The following DGKI variants were observed in gnomAD, a reference collection of about 807,000 sequenced individuals.
DGKI encodes diacylglycerol kinase iota.
Under a neutral mutation model 147.5 loss-of-function variants are expected in DGKI, and 55 were observed. The ratio of observed to expected loss-of-function variants is 0.37; its 90% CI spans 0.30 to 0.47. DGKI has a LOEUF of 0.47. DGKI is among the 20% of genes least tolerant of loss of function. The pLI, the probability that DGKI is intolerant of heterozygous loss-of-function variation, is 1.00. For missense variants in DGKI, 1,007 were observed against 1,323.8 expected, an observed-to-expected ratio of 0.76 and a Z score of 3.71; for synonymous variants, 469 against 477.1, an observed-to-expected ratio of 0.98 and a Z score of 0.22.
intron 1 of DGKI, among the ~76,000 whole-genome samples, chr7:137,710,215 A>G (rs1794171725): frequency 6.6e-6 from 1 of 152,114 alleles, no homozygotes; most frequent in Admixed American, 6.6e-5. Context: ...TCCCTGAATG[A>G]TTTATGGATC....
chr7:137,531,765 G>A (rs1419946936), intron 20 of DGKI, among the ~76,000 whole-genome samples: 2 of 152,142 alleles, frequency 1.3e-5, no homozygotes, highest in Non-Finnish European at 2.9e-5. Flanking sequence ...TGCTAAAAAA[G>A]GGTGTGGATG....
At chr7:137,467,797 A>T (rs543119330) in intron 24 of DGKI, among the ~76,000 whole-genome samples, 2 of 152,274 alleles carry the variant, frequency 1.3e-5, no homozygotes, top group East Asian at 3.9e-4. Flanking sequence ...CCTGGGCAAC[A>T]AAGCAAGACT....
At chr7:137,458,398 A>G (rs1040186785) in intron 27 of DGKI, among the ~76,000 whole-genome samples, 3 of 152,154 alleles carry the variant, frequency 2.0e-5, no homozygotes. Flanking sequence ...GTCTAGTGGC[A>G]AGATATTATT....
intron 29 of DGKI, among the ~76,000 whole-genome samples, chr7:137,409,529 G>C (rs1162211285): frequency 2.6e-5 from 4 of 152,190 alleles, no homozygotes; most frequent in African/African-American, 9.7e-5. Context: ...GCTGAATGGA[G>C]GTAAGGACAA....
At chr7:137,598,627 CT>C (rs2128988639) in intron 11 of DGKI, among the ~76,000 whole-genome samples, 1 of 152,222 alleles carries the variant, frequency 6.6e-6, no homozygotes, top group South Asian at 2.1e-4. Context: ...AAATCTTTTG[CT>C]TAGGTGAAGT....
At chr7:137,574,514 C>G (rs1237858476) in intron 17 of DGKI, among the ~76,000 whole-genome samples, 1 of 152,078 alleles carries the variant, frequency 6.6e-6, no homozygotes, top group East Asian at 1.9e-4. Context: ...GTATTTAGAA[C>G]AGAATTCATT....
chr7:137,406,038 A>T (rs1811934717), intron 30 of DGKI, among the ~76,000 whole-genome samples: 1 of 152,080 alleles, frequency 6.6e-6, no homozygotes, highest in African/African-American at 2.4e-5. Flanking sequence ...TTGTCACTCA[A>T]ATAGATGGCC....
intron 1 of DGKI, among the ~76,000 whole-genome samples, chr7:137,711,413 C>T (rs1794209323): frequency 6.6e-6 from 1 of 152,102 alleles, no homozygotes; most frequent in African/African-American, 2.4e-5. Context: ...ATACTCTTTA[C>T]AAATGAAAAT....
chr7:137,777,963 C>T (rs1796408683), intron 1 of DGKI, among the ~76,000 whole-genome samples: 2 of 152,176 alleles, frequency 1.3e-5, no homozygotes, highest in Non-Finnish European at 1.5e-5. Flanking sequence ...TTCACCTTCC[C>T]TTATTTCCTC....
chr7:137,613,203 CTTCT>C (rs1820424315), intron 8 of DGKI, among the ~76,000 whole-genome samples: 1 of 152,116 alleles, frequency 6.6e-6, no homozygotes, highest in East Asian at 1.9e-4. Flanking sequence ...TCTGTTCGCT[CTTCT>C]TTGTCATCCC....
chr7:137,400,596 A>G (rs1299191552), intron 30 of DGKI, among the ~76,000 whole-genome samples: 1 of 152,216 alleles, frequency 6.6e-6, no homozygotes, highest in East Asian at 1.9e-4. Flanking sequence ...ACCCAGAATT[A>G]TTCCAGAGCT....
At chr7:137,603,038 C>T (rs1820048753) in intron 10 of DGKI, among the ~76,000 whole-genome samples, 1 of 152,024 alleles carries the variant, frequency 6.6e-6, no homozygotes, top group African/African-American at 2.4e-5. Flanking sequence ...GCAGCAAGTA[C>T]TAGGGAGGGA....
At chr7:137,705,991 T>C (rs1230221622) in intron 1 of DGKI, among the ~76,000 whole-genome samples, 2 of 152,126 alleles carry the variant, frequency 1.3e-5, no homozygotes, top group Non-Finnish European at 2.9e-5. Context: ...CTAATTTTTA[T>C]TGCATTCCTA....
chr7:137,696,124 C>T (rs946951121), intron 1 of DGKI, among the ~76,000 whole-genome samples: 5 of 152,164 alleles, frequency 3.3e-5, no homozygotes, highest in African/African-American at 1.2e-4. Flanking sequence ...GCTCTCAAAA[C>T]AGTCTAAGTT....
rs1453843596 is a variant in DGKI at position 137,753,658 on chromosome 7, C to T, written c.402-63656G>A. Reference sequence around the variant, plus strand: ...TTAATTTGCTTTCCACTCTCTTTGACCATAATTCAATCTTTCTCTCTCTCT... The same window carrying T: ...TTAATTTGCTTTCCACTCTCTTTGATCATAATTCAATCTTTCTCTCTCTCT... On this transcript the variant is annotated intron_variant, in intron 1 of 32. Coordinates refer to ENST00000614521, the MANE Select transcript of DGKI (RefSeq NM_001321708.2). Among the ~76,000 whole-genome samples, 3 of 152,114 alleles carry T rather than the reference C, an allele frequency of 2.0e-5. No individual in the cohort carries two copies. The East Asian group carries it at 5.8e-4, about 29-fold the overall frequency.
At chr7:137,552,642 C>T (rs1818087081) in intron 19 of DGKI, 74 bp from the exon 20 acceptor site, 1 of 1,501,482 alleles carries the variant, frequency 6.7e-7, no homozygotes, top group Non-Finnish European at 9.1e-7. Flanking sequence ...GGCGCTGTGG[C>T]TCATGCCTGT....
chr7:137,779,345 G>C (rs1796451120), intron 1 of DGKI, among the ~76,000 whole-genome samples: 1 of 152,082 alleles, frequency 6.6e-6, no homozygotes, highest in Non-Finnish European at 1.5e-5. Flanking sequence ...AATTCAAGAT[G>C]AATCATACAT....
rs1811272597 is a variant in DGKI at position 137,389,213 on chromosome 7, CT to C, written c.*2006del. On this transcript the variant is annotated 3_prime_UTR_variant, in exon 33 of 33. Transcript: ENST00000614521. The stretch of plus-strand genomic sequence containing the variant: ...ATTCTCCTGGAGCATATTTTTCCAG[CT>C]TCTGGAAACAATCTGCTGCAGTGTC... The C allele has an allele frequency of 6.6e-6, 1 of 152,150 alleles. No individual in the cohort carries two copies. The highest frequency in any genetic ancestry group is 1.5e-5 in the Non-Finnish European group (1 of 68,028). The allele number at this position is 152,150 out of a possible 1,614,324, so 9.4% of individuals were successfully genotyped here.
At chr7:137,571,475 G>A (rs950001795) in intron 18 of DGKI, among the ~76,000 whole-genome samples, 189 bp from the exon 19 acceptor site, 1 of 152,140 alleles carries the variant, frequency 6.6e-6, no homozygotes, top group Non-Finnish European at 1.5e-5. Context: ...TGTGAAAACG[G>A]GCCATAATTT....
Sources: gnomAD v4.1 joint callset for allele counts (sites outside exome capture counted in the v4.1 genomes callset) on GRCh38, gnomAD v4.1.1 for gene constraint, MANE v1.5 for transcripts, NCBI Gene and HGNC (gene_info 2026-07-23, HGNC 2026-07-21) for gene names.